NRXN1: variants seen among roughly 807,000 people sequenced by gnomAD.
NRXN1 encodes the protein neurexin-1.
NRXN1 carries 39 observed loss-of-function variants against 150.9 expected under a neutral mutation model. The ratio of observed to expected loss-of-function variants is 0.26; its 90% CI spans 0.20 to 0.34. The LOEUF (loss-of-function observed/expected upper bound fraction) is 0.34, where lower values mean the gene tolerates loss of function less well. NRXN1 is among the 10% of genes least tolerant of loss of function. The probability of loss-of-function intolerance (pLI) is 1.00; values close to 1 mark genes in which losing one functional copy is unlikely to be tolerated. For synonymous variants in NRXN1, 924 were observed against 757.0 expected (o/e 1.22, Z -3.62); for missense variants, 1,815 against 1,949.9 (o/e 0.93, Z 1.30).
At chr2:50,532,860 G>T (rs2105219744) in intron 10 of NRXN1, among the ~76,000 whole-genome samples, 2 of 152,158 alleles carry the variant, frequency 1.3e-5, no homozygotes, top group South Asian at 4.2e-4. Context: ...TGCAAAACAA[G>T]CGTGAATCAG....
intron 5 of NRXN1, among the ~76,000 whole-genome samples, chr2:50,896,162 T>A (rs934676897): frequency 1.3e-5 from 2 of 152,256 alleles, no homozygotes; most frequent in Non-Finnish European, 2.9e-5. Context: ...GAATTGCATA[T>A]CAATGTTTCT....
chr2:50,237,317 G>A (rs1197059433), intron 17 of NRXN1, among the ~76,000 whole-genome samples: 1 of 151,996 alleles, frequency 6.6e-6, no homozygotes, highest in African/African-American at 2.4e-5. Flanking sequence ...ACATTGACTG[G>A]ATGCTTCCAA....
At chr2:50,357,168 C>A (rs897170932) in intron 17 of NRXN1, among the ~76,000 whole-genome samples, 1 of 151,962 alleles carries the variant, frequency 6.6e-6, no homozygotes, top group Non-Finnish European at 1.5e-5. Flanking sequence ...GTGGTGCTAG[C>A]TAACATAGGA....
At chr2:50,767,243 G>A (rs375646351) in intron 5 of NRXN1, among the ~76,000 whole-genome samples, 66 of 152,050 alleles carry the variant, frequency 4.3e-4, no homozygotes, top group African/African-American at 1.6e-3. Flanking sequence ...AGTGGTAGAT[G>A]TTTTTTAATG....
intron 2 of NRXN1, among the ~76,000 whole-genome samples, chr2:50,928,776 C>T (rs139802665): frequency 0.014 from 2,150 of 152,110 alleles, 15 homozygotes; most frequent in Non-Finnish European, 0.023. Context: ...CCTGTGGACA[C>T]TGTCAAGTTA....
chr2:50,683,631 C>CAAAAAAAAAAAAAAAAAAAAAAAAAAAAA (rs745831100), intron 5 of NRXN1, among the ~76,000 whole-genome samples: 1 of 8,532 alleles, frequency 1.2e-4, no homozygotes, highest in African/African-American at 1.1e-3. Flanking sequence ...GACTCCGTCT[C>CAAAAAAAAAAAAAAAAAAAAAAAAAAAAA]AAAAAAAAAA....
At chr2:50,790,355 A>C (rs1705763535) in intron 5 of NRXN1, among the ~76,000 whole-genome samples, 1 of 152,168 alleles carries the variant, frequency 6.6e-6, no homozygotes, top group Non-Finnish European at 1.5e-5. Flanking sequence ...CTCTTATATC[A>C]CTTGAGTCTT....
chr2:50,936,027 T>G (rs2104438538), intron 2 of NRXN1, among the ~76,000 whole-genome samples: 1 of 152,258 alleles, frequency 6.6e-6, no homozygotes, highest in Non-Finnish European at 1.5e-5. Context: ...TGATACATAG[T>G]GAATGAAATA....
rs78625169 is a variant in NRXN1, at chr2:50,273,542, T to A, written c.3365-36572A>T. 4.8e-3 allele frequency among the ~76,000 whole-genome samples: 731 copies of A among 152,218 alleles called. 9 individuals are homozygous for A. Among genetic ancestry groups the A allele is most frequent in the African/African-American group, 0.017 (716 of 41,524 alleles). On this transcript the variant is annotated intron_variant, in intron 17 of 22. Coordinates refer to ENST00000401669, the MANE Select transcript of NRXN1 (RefSeq NM_001330078.2). ...TTTAACTTTAATGTGCAAATCTCAT[T>A]TTTACAGTCCCTTATTAAATTTAAA... is the stretch of plus-strand genomic sequence containing the variant.
chr2:49,935,679 T>C (rs1348761856), intron 22 of NRXN1, among the ~76,000 whole-genome samples: 3 of 152,166 alleles, frequency 2.0e-5, no homozygotes, highest in East Asian at 1.9e-4. Flanking sequence ...GTCCTCTAGA[T>C]TGGAATTCAG....
chr2:50,116,281 C>A (rs564810284), intron 18 of NRXN1, among the ~76,000 whole-genome samples: 1 of 152,108 alleles, frequency 6.6e-6, no homozygotes, highest in African/African-American at 2.4e-5. Flanking sequence ...GCTGGGAAAA[C>A]TCACTAAAGT....
intron 5 of NRXN1, among the ~76,000 whole-genome samples, chr2:50,717,011 G>C (rs1230872146): frequency 1.3e-5 from 2 of 151,986 alleles, no homozygotes; most frequent in Non-Finnish European, 2.9e-5. Context: ...AAGAGTAGTG[G>C]AAAAAGTCCA....
chr2:50,736,521 A>G (rs896864717), intron 5 of NRXN1, among the ~76,000 whole-genome samples: 1 of 152,106 alleles, frequency 6.6e-6, no homozygotes, highest in Non-Finnish European at 1.5e-5. Flanking sequence ...CCCATCTGTT[A>G]TAGGGCGGAC....
At chr2:50,943,560 A>G (rs1055021780) in intron 2 of NRXN1, among the ~76,000 whole-genome samples, 4 of 152,264 alleles carry the variant, frequency 2.6e-5, no homozygotes, top group Admixed American at 1.3e-4. Context: ...ATGAATTATC[A>G]CCCTAAGCAA....
intron 15 of NRXN1, among the ~76,000 whole-genome samples, chr2:50,477,498 G>A (rs151304159): frequency 2.4e-4 from 36 of 152,188 alleles, no homozygotes; most frequent in African/African-American, 7.0e-4. Context: ...CAAATGACGC[G>A]GTAGAGATTT....
intron 18 of NRXN1, among the ~76,000 whole-genome samples, chr2:50,106,527 A>T (rs569779170): frequency 1.1e-4 from 16 of 152,140 alleles, no homozygotes; most frequent in Admixed American, 3.3e-4. Flanking sequence ...CAACAAATAC[A>T]CTTAATGACA....
intron 5 of NRXN1, among the ~76,000 whole-genome samples, chr2:50,652,676 T>G (rs1451679528): frequency 6.6e-6 from 1 of 152,080 alleles, no homozygotes; most frequent in East Asian, 1.9e-4. Context: ...CGAATTTTTG[T>G]ATAGACACAT....
intron 9 of NRXN1, among the ~76,000 whole-genome samples, chr2:50,544,743 A>T (rs1472560571): frequency 6.6e-6 from 1 of 152,170 alleles, no homozygotes; most frequent in Admixed American, 6.5e-5. Flanking sequence ...CAATTCTCAC[A>T]TTCAATCCTA....
At chr2:50,725,297 T>C (rs888525440) in intron 5 of NRXN1, among the ~76,000 whole-genome samples, 1 of 151,848 alleles carries the variant, frequency 6.6e-6, no homozygotes, top group African/African-American at 2.4e-5. Context: ...AAAAATATGT[T>C]TGGGCTCATG....
Sources: gnomAD v4.1 joint callset for allele counts (sites outside exome capture counted in the v4.1 genomes callset) on GRCh38, gnomAD v4.1.1 for gene constraint, MANE v1.5 for transcripts, NCBI Gene and HGNC (gene_info 2026-07-23, HGNC 2026-07-21) for gene names.